Variants in LHPP observed in about 807,000 individuals in gnomAD.
LHPP encodes phospholysine phosphohistidine inorganic pyrophosphate phosphatase.
In LHPP, 24 loss-of-function variants were observed where a neutral mutation model predicts 30.3. The ratio of observed to expected loss-of-function variants is 0.79; its 90% confidence interval spans 0.57 to 1.11. The LOEUF (loss-of-function observed/expected upper bound fraction) is 1.11. Among genes scored for constraint, LHPP ranks in the 50% most tolerant of loss-of-function variants. The pLI, the probability that LHPP is intolerant of heterozygous loss-of-function variation, is 0.00. For synonymous variants in LHPP, 150 were observed against 157.1 expected (o/e 0.95, Z 0.34); for missense variants, 356 against 367.2 (o/e 0.97, Z 0.25).
intron 6 of LHPP, among the ~76,000 whole-genome samples, chr10:124,567,372 C>T (rs1948508973): frequency 6.6e-6 from 1 of 152,272 alleles, no homozygotes; most frequent in Non-Finnish European, 1.5e-5. Flanking sequence ...TCATATCCCG[C>T]TCAGCCGCTG....
rs539906250 is a variant in LHPP, at chr10:124,585,738, G to C, written c.717-27526G>C. Among the ~76,000 whole-genome samples, 10 of 152,160 alleles carry C rather than the reference G, an allele frequency of 6.6e-5. No homozygotes were observed. In the East Asian group the frequency reaches 1.9e-3, roughly 29 times the overall value. On this transcript the variant is annotated intron_variant, in intron 6 of 6. Coordinates refer to ENST00000368842, the MANE Select transcript of LHPP (RefSeq NM_022126.4). ...CTCAGCCTCCCGAGCAGCAAGCAGGGACCGAGCAGCAGGGACCATAGGAGT... is the reference window on the plus strand; with the variant it reads ...CTCAGCCTCCCGAGCAGCAAGCAGGCACCGAGCAGCAGGGACCATAGGAGT...
At chr10:124,550,683 T>G (rs1948145725) in intron 6 of LHPP, among the ~76,000 whole-genome samples, 1 of 152,192 alleles carries the variant, frequency 6.6e-6, no homozygotes. Context: ...TTTCCCTACC[T>G]TGGCTGATCG....
chr10:124,473,561 TTC>T (rs1478697840), intron 1 of LHPP, among the ~76,000 whole-genome samples: 2 of 152,276 alleles, frequency 1.3e-5, no homozygotes, highest in Non-Finnish European at 2.9e-5. Context: ...TCCCTTAGCG[TTC>T]CGTCACCCCA....
At position 124,593,676 on chromosome 10, in the gene LHPP, C is replaced by G. The variant is rs903116912; in HGVS notation, c.717-19588C>G. The stretch of plus-strand genomic sequence containing the variant: ...CTATCCAGAGGGTGGTGGACCCAAA[C>G]GCGACGTCCCCAGTGGCGGTGGCTG... On this transcript the variant is annotated intron_variant, in intron 6 of 6. Transcript: ENST00000368842. This position sits in a 1 kb window ranked among gnomAD's most constrained non-coding sequence, Gnocchi z 4.9. 6.6e-6 allele frequency among the ~76,000 whole-genome samples: 1 copy of G among 152,244 alleles called. No homozygotes were observed. The highest frequency in any genetic ancestry group is 2.4e-5 in the African/African-American group (1 of 41,480).
chr10:124,545,616 G>A (rs1482955145), intron 6 of LHPP, among the ~76,000 whole-genome samples: 3 of 151,950 alleles, frequency 2.0e-5, no homozygotes, highest in Admixed American at 6.5e-5. Flanking sequence ...CGAGCTCCAC[G>A]TGGGCATGAA....
At chr10:124,543,374 C>T (rs1410394435) in intron 6 of LHPP, among the ~76,000 whole-genome samples, 1 of 152,268 alleles carries the variant, frequency 6.6e-6, no homozygotes. Flanking sequence ...CCACAGCCAT[C>T]TTTCCAGCGA....
At chr10:124,579,618 C>T (rs1948718881) in intron 6 of LHPP, among the ~76,000 whole-genome samples, 1 of 152,168 alleles carries the variant, frequency 6.6e-6, no homozygotes, top group African/African-American at 2.4e-5. Context: ...TTCTTCAGAG[C>T]ATTTTTCTCC....
intron 6 of LHPP, among the ~76,000 whole-genome samples, chr10:124,549,032 G>A (rs574120886): frequency 6.6e-6 from 1 of 152,364 alleles, no homozygotes; most frequent in East Asian, 1.9e-4. Context: ...TAAGTGGCAA[G>A]AGTGATTCTT....
chr10:124,530,383 C>G (rs545996444), intron 6 of LHPP, among the ~76,000 whole-genome samples: 1 of 152,110 alleles, frequency 6.6e-6, no homozygotes, highest in East Asian at 1.9e-4. Flanking sequence ...GCTACATACA[C>G]TCACCCGGGC....
At chr10:124,605,056 A>G (rs762322278) in intron 6 of LHPP, 19 of 152,690 alleles carry the variant, frequency 1.2e-4, no homozygotes, top group South Asian at 6.2e-4. Context: ...AGGAGGCGGC[A>G]GGGAGACTGG....
At chr10:124,527,349 T>G (rs891504351) in intron 6 of LHPP, among the ~76,000 whole-genome samples, 10 of 152,376 alleles carry the variant, frequency 6.6e-5, no homozygotes, top group African/African-American at 2.2e-4. Context: ...ACTCCTGTCC[T>G]TGCAGGCACA....
At chr10:124,474,566 C>G (rs1489923998) in intron 1 of LHPP, among the ~76,000 whole-genome samples, 1 of 152,202 alleles carries the variant, frequency 6.6e-6, no homozygotes, top group South Asian at 2.1e-4. Context: ...GATTCTCATC[C>G]CAGTTCTGTC....
chr10:124,612,862 C>T (rs972678477), intron 6 of LHPP: 7 of 210,294 alleles, frequency 3.3e-5, no homozygotes, highest in African/African-American at 1.6e-4. Context: ...GACTAGGCTC[C>T]TCCCACGGGG....
chr10:124,565,733 G>A (rs570322707), intron 6 of LHPP, among the ~76,000 whole-genome samples: 32 of 152,304 alleles, frequency 2.1e-4, no homozygotes, highest in Admixed American at 1.4e-3. Flanking sequence ...TGTTCCCATC[G>A]TCCCAACATG....
chr10:124,522,239 G>A (rs1954628118), intron 6 of LHPP, among the ~76,000 whole-genome samples: 1 of 152,154 alleles, frequency 6.6e-6, no homozygotes, highest in Non-Finnish European at 1.5e-5. Context: ...CCAGGGGGCG[G>A]CCCTCACCTG....
chr10:124,577,012 T>G (rs1948672342), intron 6 of LHPP, among the ~76,000 whole-genome samples: 1 of 152,198 alleles, frequency 6.6e-6, no homozygotes, highest in African/African-American at 2.4e-5. Context: ...ATTTTGAGGA[T>G]AAGGAAACCG....
intron 6 of LHPP, among the ~76,000 whole-genome samples, chr10:124,560,313 A>G (rs1948374590): frequency 6.6e-6 from 1 of 152,252 alleles, no homozygotes; most frequent in Non-Finnish European, 1.5e-5. Flanking sequence ...AACATGTGGC[A>G]TATTTCCTTC....
chr10:124,509,190 C>T (rs557168177), intron 5 of LHPP, among the ~76,000 whole-genome samples: 86 of 152,312 alleles, frequency 5.6e-4, no homozygotes, highest in Non-Finnish European at 1.1e-3. Context: ...CCTGTAGCTG[C>T]AAACGACATG....
chr10:124,540,466 GC>G (rs1193740169), intron 6 of LHPP, among the ~76,000 whole-genome samples: 1 of 152,248 alleles, frequency 6.6e-6, no homozygotes, highest in African/African-American at 2.4e-5. Context: ...CCCACTGACG[GC>G]TCTCAGTTTC....
Sources: gnomAD v4.1 joint callset for allele counts (sites outside exome capture counted in the v4.1 genomes callset) on GRCh38, gnomAD v4.1.1 for gene constraint, Gnocchi (gnomAD v3.1) non-coding constraint, MANE v1.5 for transcripts, NCBI Gene and HGNC (gene_info 2026-07-23, HGNC 2026-07-21) for gene names.